CRYBG3: variants seen among roughly 807,000 people sequenced by gnomAD.
CRYBG3 encodes the protein very large A-kinase anchor protein.
In CRYBG3, 127 loss-of-function variants were observed where a neutral mutation model predicts 244.2. The ratio of observed to expected loss-of-function variants is 0.52; its 90% CI spans 0.45 to 0.60. CRYBG3 has a LOEUF of 0.60. Among genes scored for constraint, CRYBG3 ranks in the 20% least tolerant of loss-of-function variants. CRYBG3 has a pLI of 0.00. For missense variants in CRYBG3, 3,325 were observed against 3,442.5 expected, an observed-to-expected ratio of 0.97 and a Z score of 0.85; for synonymous variants, 1,132 against 1,195.8, an observed-to-expected ratio of 0.95 and a Z score of 1.10.
intron 1 of CRYBG3, among the ~76,000 whole-genome samples, chr3:97,829,898 G>T (rs577378777): frequency 1.2e-4 from 18 of 152,270 alleles, no homozygotes; most frequent in African/African-American, 4.1e-4. Context: ...GCCCATTTTT[G>T]AGGCTCTCAG....
At chr3:97,890,373 G>C (rs2039562053) in intron 10 of CRYBG3, among the ~76,000 whole-genome samples, 1 of 152,182 alleles carries the variant, frequency 6.6e-6, no homozygotes, top group Non-Finnish European at 1.5e-5. Context: ...AATGCCTTCT[G>C]TCTCAGTCTC....
At chr3:97,845,151 C>G (rs1307652839) in intron 2 of CRYBG3, among the ~76,000 whole-genome samples, 3 of 152,088 alleles carry the variant, frequency 2.0e-5, no homozygotes, top group Non-Finnish European at 4.4e-5. Context: ...TTTTATAATG[C>G]TTTCTGTGAT....
intron 18 of CRYBG3, among the ~76,000 whole-genome samples, chr3:97,934,252 G>T (rs935499237): frequency 2.6e-5 from 4 of 152,200 alleles, no homozygotes; most frequent in African/African-American, 9.6e-5. Context: ...CAGTCAGTCA[G>T]GGTAGACCCA....
rs1032552894 is a variant in CRYBG3, at chr3:97,901,942, T to C, written c.8004+1457T>C. Among the ~76,000 whole-genome samples the C allele has an allele frequency of 9.2e-5, 14 of 152,216 alleles. No individual in the cohort carries two copies. The East Asian group carries it at 2.7e-3, about 29-fold the overall frequency. On this transcript the variant is annotated intron_variant, in intron 15 of 21. Coordinates refer to ENST00000389622, the MANE Select transcript of CRYBG3 (RefSeq NM_153605.4). ...ATAAGCATTTCTGACAGGTATATGA[T>C]AGCTGGATATTTGGTAACACATGAA...
intron 3 of CRYBG3, among the ~76,000 whole-genome samples, chr3:97,866,478 C>T (rs2039233923): frequency 6.6e-6 from 1 of 152,164 alleles, no homozygotes; most frequent in Non-Finnish European, 1.5e-5. Context: ...TCACCTGGGA[C>T]CTCATTAGAA....
At position 97,877,052 on chromosome 3, in the gene CRYBG3, A is replaced by G. The variant is rs745572013; in HGVS notation, c.5858A>G (p.Gln1953Arg). The G allele has an allele frequency of 6.3e-7, 1 of 1,592,098 alleles. No homozygotes were observed. Among genetic ancestry groups the G allele is most frequent in the South Asian group, 1.1e-5 (1 of 87,376 alleles). The stretch of plus-strand genomic sequence containing the variant: ...CCAGCCCCAGCAATGCCAGATTTTC[A>G]ACCTGGGGATACCACAGTAAGACTA... ...GYPAPAMPDF[Q>R]PGDTTVRLDK... is the part of the protein sequence containing the mutation. The change falls in exon 4 of 22, where the codon CAA becomes CGA. Residue 1953 changes from glutamine to arginine, a missense_variant. Transcript: ENST00000389622.
intron 1 of CRYBG3, among the ~76,000 whole-genome samples, chr3:97,835,177 G>A (rs192062322): frequency 2.6e-4 from 40 of 152,160 alleles, no homozygotes; most frequent in Middle Eastern, 3.4e-3. Flanking sequence ...CAACTTAGTC[G>A]TGTCATCACT....
At position 97,873,219 on chromosome 3, in the gene CRYBG3, G is replaced by T; in HGVS notation, c.2025G>T (p.Met675Ile). Residue 675 changes from methionine (M) to isoleucine (I), a missense_variant, in exon 4 of 22, where the codon ATG becomes ATT. Met to Ile is a conservative substitution (Grantham distance 10). Coordinates refer to ENST00000389622, the MANE Select transcript of CRYBG3 (RefSeq NM_153605.4). ...MLSKLDIPDL[M>I]NEGSPVPIET... ...GCAAGTTGGATATTCCTGATTTAAT[G>T]AATGAGGGTTCTCCTGTGCCCATTG... The T allele has an allele frequency of 6.5e-7, 1 of 1,535,880 alleles. No homozygotes were observed. The highest frequency in any genetic ancestry group is 1.4e-5 in the African/African-American group (1 of 73,148).
chr3:97,889,452 TA>T lies in CRYBG3; in HGVS notation c.7440+64del, dbSNP rs1239330000. 4 of 1,333,406 alleles carry T rather than the reference TA, an allele frequency of 3.0e-6. No individual in the cohort carries two copies. The Admixed American group carries it at 5.3e-5, about 18-fold the overall frequency. 82.6% of individuals were successfully genotyped at this position (1,333,406 alleles called of 1,614,324 possible). A position where few individuals can be genotyped will look rare whatever the true frequency, so the allele number is the denominator to read the frequency against. ...GTCTCAGGATTAATATTTATTCCAA[TA>T]ATTTTGAAACATTGGAATAAAAAGT... On this transcript the variant is annotated intron_variant, in intron 10 of 21. Transcript: ENST00000389622.
At chr3:97,862,149 A>G (rs1195038809) in intron 2 of CRYBG3, among the ~76,000 whole-genome samples, 1 of 152,130 alleles carries the variant, frequency 6.6e-6, no homozygotes, top group African/African-American at 2.4e-5. Flanking sequence ...GTCTTTCATT[A>G]GTTTCACAAA....
rs971603719 is a variant in CRYBG3, at chr3:97,873,455, A to T, written c.2261A>T (p.His754Leu). ...CCAGGTTCTGAAGCCAGTGGCCCTC[A>T]CTTAACTGGGTTGGAGCTATTGAGC... ...VLPGSEASGP[H>L]LTGLELLSFD... The change falls in exon 4 of 22, where the codon CAC becomes CTC. Residue 754 changes from histidine to leucine, a missense_variant. Transcript: ENST00000389622. 14 of 1,535,200 alleles carry T rather than the reference A, an allele frequency of 9.1e-6. No individual in the cohort carries two copies. The highest frequency in any genetic ancestry group is 1.7e-4 in the Middle Eastern group (1 of 6,006).
rs1299840183 is a variant in CRYBG3, at chr3:97,872,512, A to G, written c.1318A>G (p.Ser440Gly). 2 of 1,535,970 alleles carry G rather than the reference A, an allele frequency of 1.3e-6. No homozygotes were observed. Among genetic ancestry groups the G allele is most frequent in the South Asian group, 1.2e-5 (1 of 84,052 alleles). ...CCCTGCTATTTCTGATTTCTCTTGT[A>G]GTAAATCTGATGGGAGTGACACTAC... ...QGPAISDFSCSKSDGSDTTEQ... is the reference protein window; with the variant it reads ...QGPAISDFSCGKSDGSDTTEQ... Residue 440 changes from serine (S) to glycine (G), a missense_variant, in exon 4 of 22, where the codon AGT (serine) becomes GGT (glycine). This residue lies in a region of CRYBG3 where 1,526 missense variants were observed against 1,443.2 expected (regional missense o/e 1.06). Coordinates refer to ENST00000389622, the MANE Select transcript of CRYBG3 (RefSeq NM_153605.4).
intron 2 of CRYBG3, among the ~76,000 whole-genome samples, chr3:97,849,381 A>G (rs1345677688): frequency 6.6e-6 from 1 of 152,134 alleles, no homozygotes; most frequent in African/African-American, 2.4e-5. Flanking sequence ...TACATACAAG[A>G]AGGCATACCA....
At chr3:97,915,501 T>C in intron 16 of CRYBG3, 109 bp from the exon 17 acceptor site, 1 of 1,139,008 alleles carries the variant, frequency 8.8e-7, no homozygotes, top group Non-Finnish European at 1.2e-6. Context: ...GGTGGTGCTC[T>C]GCACCACTTT....
Position 97,874,753 on chromosome 3 carries a change from G to C in CRYBG3, c.3559G>C (p.Asp1187His), listed in dbSNP as rs1224964647. ...CATAGAAGCCAGGAGAAGAGCACAT[G>C]ACCAACTTTTGGACCTCAAAAGTAG... ...EHIEARRRAH[D>H]QLLDLKSSLL... Residue 1187 changes from aspartate to histidine, a missense_variant, in exon 4 of 22, where the codon GAC becomes CAC. Asp to His is a moderately conservative substitution (Grantham distance 81). This residue lies in a region of CRYBG3 where 1,526 missense variants were observed against 1,443.2 expected (regional missense o/e 1.06). Coordinates refer to ENST00000389622, the MANE Select transcript of CRYBG3 (RefSeq NM_153605.4). 8 of 1,535,830 alleles carry C rather than the reference G, an allele frequency of 5.2e-6. No homozygotes were observed. Among genetic ancestry groups the C allele is most frequent in the Non-Finnish European group, 8.7e-7 (1 of 1,146,858 alleles).
At chr3:97,918,249 A>G (rs1238162814) in intron 17 of CRYBG3, among the ~76,000 whole-genome samples, 5 of 152,160 alleles carry the variant, frequency 3.3e-5, no homozygotes, top group African/African-American at 1.2e-4. Context: ...TTTCATCTTC[A>G]TAGAAGATAA....
At chr3:97,860,378 A>G (rs984041252) in intron 2 of CRYBG3, among the ~76,000 whole-genome samples, 3 of 152,144 alleles carry the variant, frequency 2.0e-5, no homozygotes. Context: ...GTGTGTATTT[A>G]CTATAATAGT....
chr3:97,877,091 C>G lies in CRYBG3; in HGVS notation c.5897C>G (p.Ser1966Cys), dbSNP rs1385395031. The change falls in exon 4 of 22, where the codon TCT becomes TGT. Residue 1966 changes from serine (S) to cysteine (C), a missense_variant. Ser to Cys is a moderately radical substitution (Grantham distance 112). This residue lies in a region of CRYBG3 where 450 missense variants were observed against 424.1 expected (regional missense o/e 1.06). Coordinates refer to ENST00000389622, the MANE Select transcript of CRYBG3 (RefSeq NM_153605.4). ...DTTVRLDKRMSLTAIYDKRRE... is the reference protein window; with the variant it reads ...DTTVRLDKRMCLTAIYDKRRE... ...ACAGTAAGACTAGACAAAAGAATGT[C>G]TCTTACTGCAATATATGACAAGAGG... 1 of 1,611,976 alleles carries G rather than the reference C, an allele frequency of 6.2e-7. No individual in the cohort carries two copies. Among genetic ancestry groups the G allele is most frequent in the Admixed American group, 1.7e-5 (1 of 59,806 alleles).
chr3:97,915,352 A>G (rs1281981738), intron 16 of CRYBG3, among the ~76,000 whole-genome samples: 1 of 152,164 alleles, frequency 6.6e-6, no homozygotes, highest in East Asian at 1.9e-4. Flanking sequence ...AAAAATGAGG[A>G]TGTTCCTAAC....
Sources: allele counts gnomAD v4.1 joint callset (sites outside exome capture counted in the v4.1 genomes callset), GRCh38; gene constraint gnomAD v4.1.1; regional missense constraint gnomAD v4.1.1; transcripts MANE v1.5; gene names NCBI Gene and HGNC (gene_info 2026-07-23, HGNC 2026-07-21).